SAMHD1: variants seen among roughly 807,000 people sequenced by gnomAD.
SAMHD1 encodes deoxynucleoside triphosphate triphosphohydrolase SAMHD1.
In SAMHD1, 54 loss-of-function variants were observed where a neutral mutation model predicts 79.6. The ratio of observed to expected loss-of-function variants is 0.68; its 90% CI spans 0.55 to 0.85. SAMHD1 has a LOEUF of 0.85. SAMHD1 is among the 40% of genes least tolerant of loss of function. The pLI is 0.00. For synonymous variants in SAMHD1, 260 were observed against 264.1 expected, an observed-to-expected ratio of 0.98 and a Z score of 0.15; for missense variants, 663 against 782.7, an observed-to-expected ratio of 0.85 and a Z score of 1.82.
chr20:36,917,598 C>T (rs2063483840), intron 7 of SAMHD1, among the ~76,000 whole-genome samples: 1 of 152,150 alleles, frequency 6.6e-6, no homozygotes, highest in African/African-American at 2.4e-5. Context: ...TTGCAGTGAC[C>T]TGAGGTTGTG....
chr20:36,913,557 C>T (rs1312977326), intron 9 of SAMHD1, among the ~76,000 whole-genome samples: 3 of 149,578 alleles, frequency 2.0e-5, no homozygotes, highest in South Asian at 2.1e-4. Flanking sequence ...GAGCGGAGAT[C>T]ACGCCATTGC....
chr20:36,920,425 C>G (rs1009231466), intron 6 of SAMHD1, among the ~76,000 whole-genome samples: 1 of 152,098 alleles, frequency 6.6e-6, no homozygotes, highest in African/African-American at 2.4e-5. Flanking sequence ...CTTTCCCCGC[C>G]CCCGCAGAAA....
chr20:36,900,111 G>A (rs540799610), intron 13 of SAMHD1, among the ~76,000 whole-genome samples: 155 of 149,040 alleles, frequency 1.0e-3, no homozygotes, highest in African/African-American at 3.6e-3. Context: ...AAAAAAAAAT[G>A]TAAGAGAAGG....
At chr20:36,914,804 C>T (rs6130096) in intron 9 of SAMHD1, among the ~76,000 whole-genome samples, 64,398 of 150,642 alleles carry the variant, frequency 0.43, 15,261 homozygotes, top group African/African-American at 0.63. Context: ...GTCAGAAGTT[C>T]GAGACCAGCC....
chr20:36,951,698 G>A lies in SAMHD1; in HGVS notation c.-55C>T. The A allele has an allele frequency of 6.2e-7, 1 of 1,608,684 alleles. No homozygotes were observed. The highest frequency in any genetic ancestry group is 8.5e-7 in the Non-Finnish European group (1 of 1,179,784). The stretch of plus-strand genomic sequence containing the variant: ...AAGAACCTCGGCGCCGGACCCGCGC[G>A]CAGGCGCACTGACAGCAGGGCCCTG... On this transcript the variant is annotated 5_prime_UTR_variant, in exon 1 of 16. Transcript: ENST00000646673.
Position 36,915,366 on chromosome 20 carries a change from GTGTAA to G in SAMHD1, c.1062+1351_1062+1355del, listed in dbSNP as rs1321229746. ...AGAAAACAAAAAACATACAAAATGTGTGTAACTGACCATTAAGGTTATCAATAAGG... is the reference window on the plus strand; with the variant it reads ...AGAAAACAAAAAACATACAAAATGTGCTGACCATTAAGGTTATCAATAAGG... On this transcript the variant is annotated intron_variant, in intron 9 of 15. Coordinates refer to ENST00000646673, the MANE Select transcript of SAMHD1 (RefSeq NM_015474.4). Among the ~76,000 whole-genome samples, 6 of 152,262 alleles carry G rather than the reference GTGTAA, an allele frequency of 3.9e-5. No individual in the cohort carries two copies. In the East Asian group the frequency reaches 1.2e-3, roughly 29 times the overall value.
intron 3 of SAMHD1, among the ~76,000 whole-genome samples, chr20:36,937,863 T>G (rs1432027102): frequency 6.6e-6 from 1 of 151,276 alleles, no homozygotes; most frequent in Non-Finnish European, 1.5e-5. Flanking sequence ...TTGGTTTGTT[T>G]TTTTTTTTTT....
Position 36,916,765 on chromosome 20 carries a change from A to T in SAMHD1, c.1019T>A (p.Val340Asp), listed in dbSNP as rs1263113939. 1.9e-6 allele frequency: 3 copies of T among 1,614,114 alleles called. No individual in the cohort carries two copies. Among genetic ancestry groups the T allele is most frequent in the Non-Finnish European group, 2.5e-6 (3 of 1,179,994 alleles). Residue 340 changes from valine (V) to aspartate (D), a missense_variant, in exon 9 of 16, where the codon GTC (valine) becomes GAC (aspartate). Physicochemically the swap from Val to Asp is radical, Grantham distance 152. Transcript: ENST00000646673. ...ACGCAACTCATTGTCTACTTCACAG[A>T]CACGGGCAAACTTAATAAAGCGCTT... is the stretch of plus-strand genomic sequence containing the variant. ...DYKRFIKFAR[V>D]CEVDNELRIC...
At chr20:36,912,611 A>G (rs2063447781) in intron 9 of SAMHD1, 59 bp from the exon 10 acceptor site, 2 of 1,209,626 alleles carry the variant, frequency 1.7e-6, no homozygotes, top group African/African-American at 3.0e-5. Flanking sequence ...GTTATTAGAG[A>G]CAAGTATATA....
chr20:36,897,506 C>A, intron 15 of SAMHD1: 1 of 406,950 alleles, frequency 2.5e-6, no homozygotes, highest in South Asian at 2.3e-5. Context: ...TTGGTAACCT[C>A]TGAAAGATGG....
In SAMHD1 at chr20:36,927,209, T is replaced by C; in HGVS notation, c.669A>G (p.Pro223=). The C allele has an allele frequency of 6.2e-7, 1 of 1,613,686 alleles. No individual in the cohort carries two copies. Among genetic ancestry groups the C allele is most frequent in the Non-Finnish European group, 8.5e-7 (1 of 1,179,930 alleles). Reference sequence around the variant, plus strand: ...TCCATTTCACCTCCGGGCGAGCAAGTGGAATAAATCGTCCATCAAACATGT... The same window carrying C: ...TCCATTTCACCTCCGGGCGAGCAAGCGGAATAAATCGTCCATCAAACATGT... ...FSHMFDGRFI[P]LARPEVKWTH... is the part of the protein sequence containing the mutation. Residue 223 remains proline (P), a synonymous_variant, in exon 6 of 16, where the codon CCA becomes CCG. Coordinates refer to ENST00000646673, the MANE Select transcript of SAMHD1 (RefSeq NM_015474.4).
chr20:36,935,830 C>A (rs947979228), intron 3 of SAMHD1, among the ~76,000 whole-genome samples: 2 of 152,094 alleles, frequency 1.3e-5, no homozygotes, highest in African/African-American at 4.8e-5. Flanking sequence ...CTCGGCCTCC[C>A]AAAGTGTTGG....
chr20:36,923,235 G>A (rs2063517152), intron 6 of SAMHD1, among the ~76,000 whole-genome samples: 1 of 151,904 alleles, frequency 6.6e-6, no homozygotes, highest in Non-Finnish European at 1.5e-5. Flanking sequence ...TTCTGACCTT[G>A]TGATCCGCCC....
Position 36,930,666 on chromosome 20 carries a change from C to G in SAMHD1, c.625+94G>C. The G allele has an allele frequency of 4.7e-6, 4 of 853,804 alleles. No homozygotes were observed. The East Asian group carries it at 9.7e-5, about 21-fold the overall frequency. 52.9% of individuals were successfully genotyped at this position (853,804 alleles called of 1,614,324 possible). On this transcript the variant is annotated intron_variant, in intron 5 of 15. Coordinates refer to ENST00000646673, the MANE Select transcript of SAMHD1 (RefSeq NM_015474.4). Reference sequence around the variant, plus strand: ...AACTGAAGAATTAAAATACAATTTCCATATTCTCTTGGTTGATCTGATTTT... The same window carrying G: ...AACTGAAGAATTAAAATACAATTTCGATATTCTCTTGGTTGATCTGATTTT...
At chr20:36,899,707 G>A (rs1372276061) in intron 13 of SAMHD1, among the ~76,000 whole-genome samples, 1 of 152,138 alleles carries the variant, frequency 6.6e-6, no homozygotes, top group Non-Finnish European at 1.5e-5. Context: ...AGAGAGGACT[G>A]AAACTGTCTC....
At chr20:36,942,409 A>C (rs2063652171) in intron 2 of SAMHD1, among the ~76,000 whole-genome samples, 1 of 152,030 alleles carries the variant, frequency 6.6e-6, no homozygotes, top group Non-Finnish European at 1.5e-5. Context: ...CAAGAGCAAA[A>C]CTCCAACTCA....
chr20:36,902,090 G>A (rs1042321380), intron 13 of SAMHD1, among the ~76,000 whole-genome samples: 2 of 152,174 alleles, frequency 1.3e-5, no homozygotes, highest in Admixed American at 1.3e-4. Flanking sequence ...CAAAGGTTGG[G>A]TTACTCATGA....
chr20:36,899,208 C>G (rs777450640), intron 13 of SAMHD1, among the ~76,000 whole-genome samples: 2 of 148,542 alleles, frequency 1.3e-5, no homozygotes, highest in African/African-American at 5.0e-5. Context: ...ACCAGGAGTT[C>G]GAGACCACCC....
In SAMHD1 at chr20:36,909,676, C is replaced by CG. The variant is rs1370854470; in HGVS notation, c.1270+1541_1270+1542insC. On this transcript the variant is annotated intron_variant, in intron 11 of 15. Coordinates refer to ENST00000646673, the MANE Select transcript of SAMHD1 (RefSeq NM_015474.4). ...ACAAGAGCAAAACTCTGTCCACCCC[C>CG]CTCCAAAAAAAAAAAAAAAAAAAAA... Among the ~76,000 whole-genome samples, 213 of 98,048 alleles carry CG rather than the reference C, an allele frequency of 2.2e-3. 1 individual carries two copies. Among genetic ancestry groups the CG allele is most frequent in the African/African-American group, 6.8e-3 (196 of 29,014 alleles). 64.3% of individuals were successfully genotyped at this position (98,048 alleles called of 152,430 possible).
Sources: allele counts gnomAD v4.1 joint callset (sites outside exome capture counted in the v4.1 genomes callset), GRCh38; gene constraint gnomAD v4.1.1; transcripts MANE v1.5; gene names NCBI Gene and HGNC (gene_info 2026-07-23, HGNC 2026-07-21).